Variants in WDR19 observed in about 807,000 individuals in gnomAD.
WDR19 encodes the protein WD repeat-containing protein 19.
In WDR19, 121 loss-of-function variants were observed where a neutral mutation model predicts 180.0. That is an observed-to-expected ratio of 0.67 (90% CI 0.58 to 0.78). The LOEUF is 0.78. Among genes scored for constraint, WDR19 ranks in the 30% least tolerant of loss-of-function variants. The pLI, the probability that WDR19 is intolerant of heterozygous loss-of-function variation, is 0.00. For missense variants in WDR19, 1,450 were observed against 1,640.7 expected, an observed-to-expected ratio of 0.88 and a Z score of 2.01; for synonymous variants, 497 against 540.7, an observed-to-expected ratio of 0.92 and a Z score of 1.12.
At chr4:39,223,634 G>A (rs1454033002) in intron 14 of WDR19, among the ~76,000 whole-genome samples, 1 of 152,110 alleles carries the variant, frequency 6.6e-6, no homozygotes, top group Non-Finnish European at 1.5e-5. Context: ...GAGCCACCAC[G>A]CCTGGCCAAA....
chr4:39,225,278 A>G (rs1730132591), intron 15 of WDR19, among the ~76,000 whole-genome samples: 1 of 152,210 alleles, frequency 6.6e-6, no homozygotes, highest in East Asian at 1.9e-4. Context: ...TAGTTATTAT[A>G]TCCTAAACCA....
rs2109264795 is a variant in WDR19 at position 39,194,624 on chromosome 4, A to G, written c.371A>G (p.Tyr124Cys). Residue 124 changes from tyrosine to cysteine, a missense_variant, in exon 5 of 37, where the codon TAT (tyrosine) becomes TGT (cysteine). Coordinates refer to ENST00000399820, the MANE Select transcript of WDR19 (RefSeq NM_025132.4). The part of the protein sequence containing the change: ...VGTVKGNLLI[Y>C]NHQTSRKIPV... The stretch of plus-strand genomic sequence containing the variant: ...ACTGTTAAAGGAAATTTGCTTATTT[A>G]TAATCATCAGACATCTCGAAAGATT... The G allele has an allele frequency of 6.2e-7, 1 of 1,613,158 alleles. No homozygotes were observed.
intron 36 of WDR19, among the ~76,000 whole-genome samples, chr4:39,280,121 T>TTTTTTTTTTTTTG: frequency 1.2e-4 from 1 of 8,324 alleles, no homozygotes; most frequent in African/African-American, 3.4e-4. Context: ...CTTTTCTTGT[T>TTTTTTTTTTTTTG]TTTTTTTTTT....
At chr4:39,284,215 G>C (rs1177677555) in intron 36 of WDR19, among the ~76,000 whole-genome samples, 1 of 151,418 alleles carries the variant, frequency 6.6e-6, no homozygotes, top group Admixed American at 6.6e-5. Context: ...TTGACTACTT[G>C]ATGTCAAGGT....
chr4:39,251,467 T>C (rs959873488), intron 24 of WDR19, among the ~76,000 whole-genome samples: 11 of 151,186 alleles, frequency 7.3e-5, no homozygotes, highest in Non-Finnish European at 1.3e-4. Context: ...ACTTCATGTC[T>C]AAAACACCAA....
At chr4:39,232,618 C>G (rs988208965) in intron 19 of WDR19, among the ~76,000 whole-genome samples, 1 of 151,798 alleles carries the variant, frequency 6.6e-6, no homozygotes. Flanking sequence ...AGGAGAATTG[C>G]TTGAACCTAG....
chr4:39,280,908 G>C (rs555131566), intron 36 of WDR19, among the ~76,000 whole-genome samples: 45 of 152,256 alleles, frequency 3.0e-4, no homozygotes, highest in African/African-American at 1.0e-3. Context: ...TGTCTGGTGT[G>C]AGATAGGGAT....
intron 24 of WDR19, among the ~76,000 whole-genome samples, chr4:39,248,227 C>A (rs2109419741): frequency 6.6e-6 from 1 of 152,258 alleles, no homozygotes; most frequent in South Asian, 2.1e-4. Flanking sequence ...AATTTTCAAC[C>A]CAGAATTTCA....
At chr4:39,182,695 G>GA in intron 1 of WDR19, 132 bp downstream of exon 1, 3 of 1,349,658 alleles carry the variant, frequency 2.2e-6, no homozygotes, top group Non-Finnish European at 2.0e-6. Context: ...GAGAGAGAGA[G>GA]GTGGCCAGAG....
rs1262800597 is a variant in WDR19, at chr4:39,244,286, G to A, written c.2460G>A (p.Met820Ile). The change falls in exon 22 of 37, where the codon ATG becomes ATA. Residue 820 changes from methionine (M) to isoleucine (I), a missense_variant. Coordinates refer to ENST00000399820, the MANE Select transcript of WDR19 (RefSeq NM_025132.4). ...CTTGTCTGGCTGGAGTGGCCCAGAT[G>A]TCCATAAGAATGGGAGACATACGTC... ...DEACLAGVAQ[M>I]SIRMGDIRRG... is the part of the protein sequence containing the mutation. The A allele has an allele frequency of 1.2e-6, 2 of 1,613,852 alleles. No individual in the cohort carries two copies. The highest frequency in any genetic ancestry group is 3.3e-5 in the Admixed American group (2 of 60,012).
Position 39,253,289 on chromosome 4 carries a change from C to T in WDR19, c.2873C>T (p.Ala958Val), listed in dbSNP as rs1179202624. The T allele has an allele frequency of 1.9e-6, 3 of 1,610,632 alleles. No homozygotes were observed. In the East Asian group the frequency reaches 6.7e-5, roughly 36 times the overall value. The change falls in exon 25 of 37, where the codon GCC becomes GTC. Residue 958 changes from alanine (A) to valine (V), a missense_variant. Transcript: ENST00000399820. ...TQSLDGAKMV[A>V]RFFLQLGDYG... ...TCTCTGGATGGAGCCAAAATGGTAG[C>T]CAGGTAACATAATACATTAATATTT... is the stretch of plus-strand genomic sequence containing the variant.
At chr4:39,268,139 C>A in intron 30 of WDR19, 48 bp downstream of exon 30, 1 of 1,483,646 alleles carries the variant, frequency 6.7e-7, no homozygotes, top group South Asian at 1.2e-5. Flanking sequence ...GCAGCAGAAT[C>A]AAGCCCCAGC....
At chr4:39,249,733 T>C (rs1354186513) in intron 24 of WDR19, among the ~76,000 whole-genome samples, 3 of 152,030 alleles carry the variant, frequency 2.0e-5, no homozygotes, top group Admixed American at 6.6e-5. Flanking sequence ...ACAAATAAAC[T>C]AGAAAATCTA....
At chr4:39,221,120 G>T (rs1000654211) in intron 14 of WDR19, among the ~76,000 whole-genome samples, 1 of 151,990 alleles carries the variant, frequency 6.6e-6, no homozygotes, top group Non-Finnish European at 1.5e-5. Flanking sequence ...GTAAGTCTCT[G>T]AGATAATATA....
chr4:39,214,579 A>G, intron 9 of WDR19, 22 bp from the exon 10 acceptor site: 1 of 1,377,584 alleles, frequency 7.3e-7, no homozygotes, highest in Non-Finnish European at 1.0e-6. Flanking sequence ...ATATTTTTTA[A>G]TAATGCATTT....
intron 36 of WDR19, among the ~76,000 whole-genome samples, chr4:39,281,236 T>TATAGAGAGAGAGAGAGAGAG (rs762298152): frequency 1.4e-3 from 148 of 103,930 alleles, no homozygotes; most frequent in South Asian, 3.7e-3. Context: ...TATATATATA[T>TATAGAGAGAGAGAGAGAGAG]AGAGAGAGAG....
In WDR19 at chr4:39,189,690, G is replaced by T; in HGVS notation, c.199G>T (p.Asp67Tyr). The T allele has an allele frequency of 6.2e-7, 1 of 1,608,262 alleles. No individual in the cohort carries two copies. The highest frequency in any genetic ancestry group is 8.5e-7 in the Non-Finnish European group (1 of 1,177,866). The change falls in exon 4 of 37, where the codon GAT becomes TAT. Residue 67 changes from aspartate to tyrosine, a missense_variant. Coordinates refer to ENST00000399820, the MANE Select transcript of WDR19 (RefSeq NM_025132.4). ...CVAMDWDKDG[D>Y]VLAVIAEKSS... ...TGCCATGGATTGGGATAAAGATGGAGATGTCCTAGCAGTGATTGCTGAGAA... is the reference window on the plus strand; with the variant it reads ...TGCCATGGATTGGGATAAAGATGGATATGTCCTAGCAGTGATTGCTGAGAA...
chr4:39,237,176 T>C (rs1196880701), intron 20 of WDR19, among the ~76,000 whole-genome samples: 1 of 152,214 alleles, frequency 6.6e-6, no homozygotes, highest in Non-Finnish European at 1.5e-5. Context: ...AAAACATTTT[T>C]ACATAATTCT....
At position 39,199,456 on chromosome 4, in the gene WDR19, A is replaced by G. The variant is rs765764331; in HGVS notation, c.407-22A>G. 4 of 1,586,988 alleles carry G rather than the reference A, an allele frequency of 2.5e-6. No individual in the cohort carries two copies. In the African/African-American group the frequency reaches 4.0e-5, roughly 16 times the overall value. Reference sequence around the variant, plus strand: ...TTCTTTGAGAAATCCACATGTCTGTATAAAAATAATCTCTTTTTCAGGAAA... The same window carrying G: ...TTCTTTGAGAAATCCACATGTCTGTGTAAAAATAATCTCTTTTTCAGGAAA... On this transcript the variant is annotated intron_variant, in intron 5 of 36. Transcript: ENST00000399820.
Sources: gnomAD v4.1 joint callset for allele counts (sites outside exome capture counted in the v4.1 genomes callset) on GRCh38, gnomAD v4.1.1 for gene constraint, MANE v1.5 for transcripts, NCBI Gene and HGNC (gene_info 2026-07-23, HGNC 2026-07-21) for gene names.